SPNS2: variants seen among roughly 807,000 people sequenced by gnomAD.
The protein encoded by SPNS2 is SPNS lysolipid transporter 2, sphingosine-1-phosphate.
Under a neutral mutation model 57.6 loss-of-function variants are expected in SPNS2, and 37 were observed. The ratio of observed to expected loss-of-function variants is 0.64; its 90% confidence interval spans 0.49 to 0.85. The LOEUF is 0.85. SPNS2 is among the 40% of genes least tolerant of loss of function. The pLI is 0.00. For synonymous variants in SPNS2, 440 were observed against 346.9 expected, an observed-to-expected ratio of 1.27 and a Z score of -2.98; for missense variants, 831 against 779.1, an observed-to-expected ratio of 1.07 and a Z score of -0.79.
chr17:4,502,738 G>A (rs142326382), intron 1 of SPNS2, among the ~76,000 whole-genome samples: 50 of 152,312 alleles, frequency 3.3e-4, no homozygotes, highest in African/African-American at 1.1e-3. Flanking sequence ...ACGAGTGCCA[G>A]CTGCCTTCTC....
intron 9 of SPNS2, among the ~76,000 whole-genome samples, chr17:4,534,975 G>C (rs907594047): frequency 6.6e-6 from 1 of 152,146 alleles, no homozygotes; most frequent in African/African-American, 2.4e-5. Flanking sequence ...CTGGAAACAG[G>C]GCCACTCGTT....
chr17:4,513,158 G>T, intron 1 of SPNS2, 89 bp from the exon 2 acceptor site: 1 of 1,429,180 alleles, frequency 7.0e-7, no homozygotes, highest in Admixed American at 1.7e-5. Context: ...GCCAGGCTGG[G>T]CCCTGCAAGG....
intron 1 of SPNS2, among the ~76,000 whole-genome samples, chr17:4,500,533 G>T (rs1395899725): frequency 6.6e-6 from 1 of 152,108 alleles, no homozygotes; most frequent in African/African-American, 2.4e-5. Flanking sequence ...CTGGCATGCT[G>T]GCCCAGAACC....
chr17:4,527,398 A>G (rs555573805), intron 3 of SPNS2, among the ~76,000 whole-genome samples: 1 of 152,344 alleles, frequency 6.6e-6, no homozygotes, highest in South Asian at 2.1e-4. Context: ...TTGCATCTCA[A>G]ATGAGTGGTT....
chr17:4,525,658 G>C (rs972581368), intron 3 of SPNS2, among the ~76,000 whole-genome samples: 18 of 152,338 alleles, frequency 1.2e-4, no homozygotes, highest in African/African-American at 4.3e-4. Context: ...ACACAAACAA[G>C]AGTCTTCTCA....
chr17:4,520,480 T>C (rs1905111793), intron 2 of SPNS2, among the ~76,000 whole-genome samples: 1 of 151,928 alleles, frequency 6.6e-6, no homozygotes, highest in African/African-American at 2.4e-5. Context: ...GATCCTACCA[T>C]GGTGTTGGGG....
chr17:4,525,029 C>A (rs944625843), intron 2 of SPNS2, 28 bp from the exon 3 acceptor site: 25 of 1,607,742 alleles, frequency 1.6e-5, no homozygotes, highest in Admixed American at 5.0e-5. Flanking sequence ...GGACCTGGGC[C>A]CCCCCTCAAG....
rs553135719 is a variant in SPNS2, at chr17:4,514,012, A to T, written c.436+700A>T. On this transcript the variant is annotated intron_variant, in intron 2 of 12. Transcript: ENST00000329078. ...TGGCAGCCCACCAGCCCCTCCCTCC[A>T]GGGAGCGTGCCTCCCTTGTCCCTGC... is the stretch of plus-strand genomic sequence containing the variant. Among the ~76,000 whole-genome samples, 11 of 152,332 alleles carry T rather than the reference A, an allele frequency of 7.2e-5. No individual in the cohort carries two copies. The South Asian group carries it at 2.3e-3, about 32-fold the overall frequency.
At chr17:4,509,839 T>A (rs1272770191) in intron 1 of SPNS2, among the ~76,000 whole-genome samples, 1 of 152,248 alleles carries the variant, frequency 6.6e-6, no homozygotes, top group Non-Finnish European at 1.5e-5. Context: ...ATTGTGGCTG[T>A]GTTGGCTGGG....
At chr17:4,532,097 G>A (rs1043499424) in intron 5 of SPNS2, among the ~76,000 whole-genome samples, 1 of 151,996 alleles carries the variant, frequency 6.6e-6, no homozygotes, top group Non-Finnish European at 1.5e-5. Flanking sequence ...TTTTCCATCC[G>A]TCTGTCCATC....
At chr17:4,528,173 C>T (rs1008139753) in intron 3 of SPNS2, among the ~76,000 whole-genome samples, 5 of 151,910 alleles carry the variant, frequency 3.3e-5, no homozygotes, top group African/African-American at 1.2e-4. Context: ...CAGGCACGCG[C>T]CACCACACCC....
chr17:4,525,024 TG>T (rs760635954), intron 2 of SPNS2, 32 bp from the exon 3 acceptor site: 1 of 1,607,098 alleles, frequency 6.2e-7, no homozygotes, highest in Non-Finnish European at 8.5e-7. Context: ...CGCAGGGACC[TG>T]GGCCCCCCCT....
At position 4,511,015 on chromosome 17, in the gene SPNS2, A is replaced by G. The variant is rs1904816274; in HGVS notation, c.371-2232A>G. ...TATATAAAATGGGATGAGAATCATA[A>G]ATACCAGCACAGATAGTGAGGACAG... On this transcript the variant is annotated intron_variant, in intron 1 of 12. Transcript: ENST00000329078. The surrounding 1 kb of genome is among the most constrained non-coding windows in gnomAD (Gnocchi z 4.6). Among the ~76,000 whole-genome samples the G allele has an allele frequency of 6.6e-6, 1 of 152,246 alleles. No individual in the cohort carries two copies. The highest frequency in any genetic ancestry group is 1.5e-5 in the Non-Finnish European group (1 of 68,050).
At position 4,536,192 on chromosome 17, in the gene SPNS2, G is replaced by T. The variant is rs776149339; in HGVS notation, c.1443+18G>T. The T allele has an allele frequency of 6.2e-7, 1 of 1,608,864 alleles. No homozygotes were observed. Among genetic ancestry groups the T allele is most frequent in the Non-Finnish European group, 8.5e-7 (1 of 1,178,302 alleles). On this transcript the variant is annotated intron_variant, in intron 10 of 12. Coordinates refer to ENST00000329078, the MANE Select transcript of SPNS2 (RefSeq NM_001124758.3). The stretch of plus-strand genomic sequence containing the variant: ...TTGGCTTTGTGAGTAGCCCCGGGGT[G>T]GGGCTGGCCAGGGCAGGCTGGGGGA...
At position 4,538,672 on chromosome 17, in the gene SPNS2, C is replaced by T; in HGVS notation, c.*1224C>T. 1.8e-6 allele frequency: 1 copy of T among 542,352 alleles called. No individual in the cohort carries two copies. Among genetic ancestry groups the T allele is most frequent in the Admixed American group, 3.3e-5 (1 of 30,162 alleles). The allele number at this position is 542,352 out of a possible 1,614,324, so 33.6% of individuals were successfully genotyped here. On this transcript the variant is annotated 3_prime_UTR_variant, in exon 13 of 13. Coordinates refer to ENST00000329078, the MANE Select transcript of SPNS2 (RefSeq NM_001124758.3). The stretch of plus-strand genomic sequence containing the variant: ...GGCCTTGTGGCCAATGGGGGACCCC[C>T]CAAGAGCCAGCTTGGACAATGCTCT...
chr17:4,521,063 C>G (rs910725412), intron 2 of SPNS2, among the ~76,000 whole-genome samples: 1 of 152,194 alleles, frequency 6.6e-6, no homozygotes, highest in African/African-American at 2.4e-5. Flanking sequence ...CAGTGCCCAG[C>G]TTTGTCACCA....
At chr17:4,509,295 C>G (rs1438379067) in intron 1 of SPNS2, among the ~76,000 whole-genome samples, 1 of 152,148 alleles carries the variant, frequency 6.6e-6, no homozygotes, top group Non-Finnish European at 1.5e-5. Flanking sequence ...GAGTTCTTAG[C>G]CAAGTGTCGT....
chr17:4,506,550 A>G (rs1360500606), intron 1 of SPNS2, among the ~76,000 whole-genome samples: 1 of 152,128 alleles, frequency 6.6e-6, no homozygotes, highest in Non-Finnish European at 1.5e-5. Flanking sequence ...GCTGGCCCCA[A>G]ATGATAGACT....
chr17:4,529,556 C>T (rs992681440), intron 3 of SPNS2, among the ~76,000 whole-genome samples: 2 of 152,110 alleles, frequency 1.3e-5, no homozygotes, highest in East Asian at 3.9e-4. Flanking sequence ...CCTATAATCC[C>T]ACCTCCTCAG....
Sources: gnomAD v4.1 joint callset for allele counts (sites outside exome capture counted in the v4.1 genomes callset) on GRCh38, gnomAD v4.1.1 for gene constraint, Gnocchi (gnomAD v3.1) non-coding constraint, MANE v1.5 for transcripts, NCBI Gene and HGNC (gene_info 2026-07-23, HGNC 2026-07-21) for gene names.